Variants in NWD2 observed in about 807,000 individuals in gnomAD.
NWD2 encodes the protein NACHT and WD repeat domain-containing protein 2.
NWD2 carries 37 observed loss-of-function variants against 132.7 expected under a neutral mutation model. The ratio of observed to expected loss-of-function variants is 0.28; its 90% CI spans 0.21 to 0.37. The LOEUF (loss-of-function observed/expected upper bound fraction) is 0.37, where lower values mean the gene tolerates loss of function less well. NWD2 is among the 10% of genes least tolerant of loss of function. NWD2 has a pLI of 1.00. For synonymous variants in NWD2, 705 were observed against 803.0 expected (o/e 0.88, Z 2.06); for missense variants, 1,592 against 2,122.4 (o/e 0.75, Z 4.91).
chr4:37,445,178 T>C lies in NWD2; in HGVS notation c.3190T>C (p.Phe1064Leu), dbSNP rs1416403203. 3.2e-6 allele frequency: 5 copies of C among 1,551,924 alleles called. No homozygotes were observed. Among genetic ancestry groups the C allele is most frequent in the Non-Finnish European group, 3.5e-6 (4 of 1,147,068 alleles). The change falls in exon 7 of 7, where the codon TTT becomes CTT. Residue 1064 changes from phenylalanine to leucine, a missense_variant. By Grantham distance (22) the Phe-to-Leu change is conservative (BLOSUM62 0). This residue lies in a region of NWD2 where 1,071 missense variants were observed against 1,398.0 expected (regional missense o/e 0.77). Transcript: ENST00000309447. This position sits in a 1 kb window ranked among gnomAD's most constrained non-coding sequence, Gnocchi z 4.7. Reference sequence around the variant, plus strand: ...AAGCAGCGCCACCTACATCAATGGATTTACACTGTCCGCCAACCACGCCCT... The same window carrying C: ...AAGCAGCGCCACCTACATCAATGGACTTACACTGTCCGCCAACCACGCCCT... ...HGSSATYING[F>L]TLSANHALAW...
chr4:37,281,695 T>C (rs537023789), intron 1 of NWD2, among the ~76,000 whole-genome samples: 4 of 152,128 alleles, frequency 2.6e-5, no homozygotes, highest in Non-Finnish European at 4.4e-5. Context: ...CATAAGTAAG[T>C]CGTGGAGATG....
intron 3 of NWD2, among the ~76,000 whole-genome samples, chr4:37,420,549 G>A (rs897434488): frequency 2.6e-5 from 4 of 152,136 alleles, no homozygotes; most frequent in African/African-American, 7.2e-5. Context: ...CTGGTGTGGT[G>A]GTGTGCACCT....
intron 3 of NWD2, among the ~76,000 whole-genome samples, chr4:37,425,293 C>T (rs1711970176): frequency 6.6e-6 from 1 of 152,170 alleles, no homozygotes; most frequent in African/African-American, 2.4e-5. Flanking sequence ...TAGAATTATA[C>T]ATGCAGAAAC....
chr4:37,401,927 G>C (rs1720903405), intron 3 of NWD2, among the ~76,000 whole-genome samples: 1 of 152,216 alleles, frequency 6.6e-6, no homozygotes, highest in Admixed American at 6.5e-5. Flanking sequence ...GCTATGGTTT[G>C]AGTGGACCCT....
chr4:37,370,956 C>G (rs1343247007), intron 3 of NWD2, among the ~76,000 whole-genome samples: 1 of 152,026 alleles, frequency 6.6e-6, no homozygotes, highest in Non-Finnish European at 1.5e-5. Flanking sequence ...TTGGTACCCC[C>G]ACACAGACCG....
At chr4:37,348,675 T>TATATATATATATATATATACAC (rs1308407988) in intron 2 of NWD2, among the ~76,000 whole-genome samples, 6 of 22,568 alleles carry the variant, frequency 2.7e-4, no homozygotes, top group Non-Finnish European at 4.6e-4. Flanking sequence ...TATATATATA[T>TATATATATATATATATATACAC]ACACACACAC....
At chr4:37,312,874 T>A (rs1240833760) in intron 1 of NWD2, among the ~76,000 whole-genome samples, 1 of 151,248 alleles carries the variant, frequency 6.6e-6, no homozygotes, top group East Asian at 1.9e-4. Context: ...CTTTTCTGCA[T>A]CTATTGAGAT....
chr4:37,374,554 T>A (rs896804447), intron 3 of NWD2, among the ~76,000 whole-genome samples: 3 of 152,156 alleles, frequency 2.0e-5, no homozygotes, highest in Middle Eastern at 3.4e-3. Flanking sequence ...GAAAAAGGAA[T>A]GAGACAACAG....
intron 3 of NWD2, among the ~76,000 whole-genome samples, chr4:37,411,685 AG>A (rs1721159394): frequency 6.6e-6 from 1 of 152,206 alleles, no homozygotes; most frequent in South Asian, 2.1e-4. Context: ...CAACAAAAAA[AG>A]AAAATTTAGG....
At chr4:37,432,088 G>A (rs527438376) in intron 4 of NWD2, among the ~76,000 whole-genome samples, 5 of 152,118 alleles carry the variant, frequency 3.3e-5, no homozygotes. Flanking sequence ...TACTGTATCT[G>A]TGAATTCATA....
At chr4:37,410,200 C>G (rs1369039869) in intron 3 of NWD2, among the ~76,000 whole-genome samples, 1 of 152,158 alleles carries the variant, frequency 6.6e-6, no homozygotes, top group East Asian at 1.9e-4. Flanking sequence ...TTAGAAGACA[C>G]AGACTGGCAA....
Position 37,356,125 on chromosome 4 carries a change from G to A in NWD2, c.241-241G>A, listed in dbSNP as rs868431649. 2.8e-4 allele frequency among the ~76,000 whole-genome samples: 43 copies of A among 152,154 alleles called. 2 individuals are homozygous for A. The highest frequency in any genetic ancestry group is 6.8e-3 in the Middle Eastern group (2 of 294). On this transcript the variant is annotated intron_variant, in intron 2 of 6. Transcript: ENST00000309447. ...CGTGCTCCAAAACCTTCAACAGTTA[G>A]CATTTCATTTTCTCTGGGCCCATGT... is the stretch of plus-strand genomic sequence containing the variant.
chr4:37,275,313 A>G (rs1179289799), intron 1 of NWD2, among the ~76,000 whole-genome samples: 1 of 152,128 alleles, frequency 6.6e-6, no homozygotes, highest in African/African-American at 2.4e-5. Flanking sequence ...TCATGAGTGA[A>G]CTCCCATTCA....
At position 37,444,004 on chromosome 4, in the gene NWD2, G is replaced by C. The variant is rs1560257370; in HGVS notation, c.2016G>C (p.Leu672=). ...ACATCACCATGGCCAAAATGGGTCT[G>C]AGTGAAATGGAACTGGAGGATGTGT... ...LGYITMAKMG[L]SEMELEDVLA... is the part of the protein sequence containing the mutation. The change falls in exon 7 of 7, where the codon CTG becomes CTC. Residue 672 remains leucine, a synonymous_variant. Transcript: ENST00000309447. This position sits in a 1 kb window ranked among gnomAD's most constrained non-coding sequence, Gnocchi z 4.8. 4 of 1,552,224 alleles carry C rather than the reference G, an allele frequency of 2.6e-6. No individual in the cohort carries two copies. Among genetic ancestry groups the C allele is most frequent in the Non-Finnish European group, 3.5e-6 (4 of 1,147,120 alleles).
chr4:37,365,130 T>A (rs941430963), intron 3 of NWD2, among the ~76,000 whole-genome samples: 1 of 152,206 alleles, frequency 6.6e-6, no homozygotes, highest in African/African-American at 2.4e-5. Flanking sequence ...CTTTAAATAA[T>A]TTTTAGTAAA....
intron 1 of NWD2, among the ~76,000 whole-genome samples, chr4:37,296,417 A>G (rs1329401468): frequency 2.6e-5 from 4 of 152,174 alleles, no homozygotes; most frequent in Non-Finnish European, 4.4e-5. Context: ...ACAGTTCACA[A>G]TTGTGAAGAT....
intron 3 of NWD2, among the ~76,000 whole-genome samples, chr4:37,360,564 C>T (rs1719962250): frequency 6.6e-6 from 1 of 152,306 alleles, no homozygotes; most frequent in African/African-American, 2.4e-5. Context: ...AAGGCAGCCC[C>T]TAGCAGGGAG....
chr4:37,366,801 T>C (rs1720107834), intron 3 of NWD2, among the ~76,000 whole-genome samples: 1 of 152,184 alleles, frequency 6.6e-6, no homozygotes, highest in African/African-American at 2.4e-5. Context: ...GTAATATTTC[T>C]ATATTTCTAT....
intron 3 of NWD2, among the ~76,000 whole-genome samples, chr4:37,423,032 A>G (rs1711871544): frequency 6.6e-6 from 1 of 151,670 alleles, no homozygotes; most frequent in Non-Finnish European, 1.5e-5. Flanking sequence ...TCAAATTATT[A>G]TCAACCATCA....
Sources: allele counts gnomAD v4.1 joint callset (sites outside exome capture counted in the v4.1 genomes callset), GRCh38; gene constraint gnomAD v4.1.1; regional missense constraint gnomAD v4.1.1; non-coding constraint Gnocchi (gnomAD v3.1); transcripts MANE v1.5; gene names NCBI Gene and HGNC (gene_info 2026-07-23, HGNC 2026-07-21).